Variants in XYLB observed in about 807,000 individuals in gnomAD.
XYLB encodes xylulose kinase.
Under a neutral mutation model 78.7 loss-of-function variants are expected in XYLB, and 62 were observed. That is an observed-to-expected ratio of 0.79 (90% CI 0.64 to 0.97). The LOEUF is 0.97. Among genes scored for constraint, XYLB ranks in the 50% least tolerant of loss-of-function variants. The pLI is 0.00. For synonymous variants in XYLB, 245 were observed against 247.4 expected, an observed-to-expected ratio of 0.99 and a Z score of 0.09; for missense variants, 687 against 676.8, an observed-to-expected ratio of 1.02 and a Z score of -0.17.
downstream of XYLB, among the ~76,000 whole-genome samples, chr3:38,426,060 G>A (rs949408064): frequency 5.9e-5 from 9 of 152,186 alleles, no homozygotes; most frequent in African/African-American, 2.2e-4. Context: ...GATGCTCTCA[G>A]TGTTTCATTG....
chr3:38,446,601 C>G, the XYLB span, among the ~76,000 whole-genome samples: 1 of 152,026 alleles, frequency 6.6e-6, no homozygotes, highest in African/African-American at 2.4e-5. Context: ...ATAGAGAACC[C>G]AGAAATAAAG....
the XYLB span, among the ~76,000 whole-genome samples, chr3:38,448,061 A>T: frequency 6.6e-6 from 1 of 152,128 alleles, no homozygotes; most frequent in South Asian, 2.1e-4. Context: ...ATAAATTTTA[A>T]TTAAAAAAAA....
rs541643802 is a variant in XYLB, at chr3:38,398,040, G to C, written c.1438+881G>C. ...TCACTGTGTTAGCCAGGATGGTCTCGATCTCCTGACTTTGTGATCTGCCCA... is the reference window on the plus strand; with the variant it reads ...TCACTGTGTTAGCCAGGATGGTCTCCATCTCCTGACTTTGTGATCTGCCCA... On this transcript the variant is annotated intron_variant, in intron 17 of 18. Coordinates refer to ENST00000207870, the MANE Select transcript of XYLB (RefSeq NM_005108.4). Among the ~76,000 whole-genome samples, 300 of 151,318 alleles carry C rather than the reference G, an allele frequency of 2.0e-3. 1 individual carries two copies. Among genetic ancestry groups the C allele is most frequent in the Middle Eastern group, 3.4e-3 (1 of 292 alleles).
chr3:38,354,541 A>G (rs1575452290), intron 2 of XYLB, among the ~76,000 whole-genome samples: 1 of 144,966 alleles, frequency 6.9e-6, no homozygotes, highest in African/African-American at 2.6e-5. Flanking sequence ...CTAGCTCTGG[A>G]GCCCAGGTTG....
intron 15 of XYLB, among the ~76,000 whole-genome samples, chr3:38,388,176 T>TG (rs1553657966): frequency 7.1e-6 from 1 of 141,298 alleles, no homozygotes; most frequent in Non-Finnish European, 1.6e-5. Flanking sequence ...TTTGTTTTTT[T>TG]TTTTTTTTTT....
At chr3:38,384,130 G>C (rs1377907646) in intron 15 of XYLB, among the ~76,000 whole-genome samples, 1 of 152,078 alleles carries the variant, frequency 6.6e-6, no homozygotes, top group East Asian at 1.9e-4. Context: ...GCAGTGGTGT[G>C]ATCTTGGCTC....
chr3:38,405,096 G>T (rs976982894), intron 18 of XYLB, among the ~76,000 whole-genome samples: 1 of 152,078 alleles, frequency 6.6e-6, no homozygotes, highest in Non-Finnish European at 1.5e-5. Context: ...TTTTTTCTCT[G>T]TTGGGCTTTT....
chr3:38,449,164 C>T, the XYLB span, among the ~76,000 whole-genome samples: 2 of 152,040 alleles, frequency 1.3e-5, no homozygotes, highest in African/African-American at 4.8e-5. Context: ...TGCTCTGTTG[C>T]CAGGCTGGAG....
intron 15 of XYLB, among the ~76,000 whole-genome samples, chr3:38,379,908 AT>A (rs1707065731): frequency 6.6e-6 from 1 of 152,186 alleles, no homozygotes; most frequent in South Asian, 2.1e-4. Context: ...TCTTACAGTT[AT>A]GGAGGCTGAG....
chr3:38,415,440 TG>T (rs921610937), downstream of XYLB, among the ~76,000 whole-genome samples: 23 of 152,024 alleles, frequency 1.5e-4, no homozygotes, highest in East Asian at 3.5e-3. Context: ...CAAATGGAAG[TG>T]GGGATAAGGG....
At chr3:38,447,368 A>G in the XYLB span, among the ~76,000 whole-genome samples, 1 of 152,028 alleles carries the variant, frequency 6.6e-6, no homozygotes, top group African/African-American at 2.4e-5. Context: ...CAGTGTCACG[A>G]TCATGGCTCA....
At chr3:38,401,904 T>C (rs1252773185) in intron 18 of XYLB, among the ~76,000 whole-genome samples, 3 of 152,112 alleles carry the variant, frequency 2.0e-5, no homozygotes, top group African/African-American at 7.2e-5. Context: ...TAAGGAACTG[T>C]GAAGGGTCTG....
intron 6 of XYLB, among the ~76,000 whole-genome samples, 153 bp downstream of exon 6, chr3:38,365,889 A>G (rs1559582814): frequency 6.6e-6 from 1 of 152,096 alleles, no homozygotes; most frequent in Non-Finnish European, 1.5e-5. Flanking sequence ...GATCCAGGCC[A>G]CCTGCTGCCC....
downstream of XYLB, among the ~76,000 whole-genome samples, chr3:38,420,898 A>C (rs1269955176): frequency 6.6e-6 from 1 of 152,194 alleles, no homozygotes; most frequent in Non-Finnish European, 1.5e-5. Context: ...AGAGCAGGGC[A>C]AGGAACACCT....
chr3:38,414,110 T>C lies in XYLB; in HGVS notation c.*1097T>C, dbSNP rs1239831958. 1 of 152,258 alleles carries C rather than the reference T, an allele frequency of 6.6e-6. No individual in the cohort carries two copies. The highest frequency in any genetic ancestry group is 1.5e-5 in the Non-Finnish European group (1 of 68,064). The allele number at this position is 152,258 out of a possible 1,614,324, so 9.4% of individuals were successfully genotyped here. On this transcript the variant is annotated 3_prime_UTR_variant, in exon 19 of 19. Transcript: ENST00000207870. Reference sequence around the variant, plus strand: ...ACTCCTGCAGACTCTTCCAGATTTTTCTGCCCAAGGCCTTTACTGAGCTCA... The same window carrying C: ...ACTCCTGCAGACTCTTCCAGATTTTCCTGCCCAAGGCCTTTACTGAGCTCA...
At chr3:38,414,997 A>G (rs1708739657), downstream of XYLB, 1 of 152,202 alleles carries the variant, frequency 6.6e-6, no homozygotes, top group African/African-American at 2.4e-5. Context: ...AAAACCTTAA[A>G]CTTTATCTTG....
chr3:38,377,160 G>A (rs961491300), intron 14 of XYLB, among the ~76,000 whole-genome samples, 169 bp downstream of exon 14: 6 of 151,758 alleles, frequency 4.0e-5, no homozygotes, highest in Non-Finnish European at 8.8e-5. Flanking sequence ...TGGGGAATCT[G>A]CAGGACCTAA....
At chr3:38,428,673 T>G in the XYLB span, among the ~76,000 whole-genome samples, 1 of 152,364 alleles carries the variant, frequency 6.6e-6, no homozygotes, top group South Asian at 2.1e-4. Flanking sequence ...TATGTTTCTT[T>G]AAATCATTTA....
At chr3:38,405,209 T>C (rs962757801) in intron 18 of XYLB, among the ~76,000 whole-genome samples, 25 of 152,026 alleles carry the variant, frequency 1.6e-4, no homozygotes, top group Admixed American at 1.2e-3. Context: ...CTTAAAAATG[T>C]ATGTGCATAC....
Sources: gnomAD v4.1 joint callset for allele counts (sites outside exome capture counted in the v4.1 genomes callset) on GRCh38, gnomAD v4.1.1 for gene constraint, MANE v1.5 for transcripts, NCBI Gene and HGNC (gene_info 2026-07-23, HGNC 2026-07-21) for gene names.